The following HDAC4 variants were observed in gnomAD, a reference collection of about 807,000 sequenced individuals.
The protein encoded by HDAC4 is histone deacetylase A.
A neutral mutation model predicts 135.1 loss-of-function variants in HDAC4; 16 were observed. The ratio of observed to expected loss-of-function variants is 0.12; its 90% CI spans 0.08 to 0.18. The LOEUF (loss-of-function observed/expected upper bound fraction) is 0.18. Among genes scored for constraint, HDAC4 ranks in the 10% least tolerant of loss-of-function variants. The probability of loss-of-function intolerance (pLI) is 1.00; values close to 1 mark genes in which losing one functional copy is unlikely to be tolerated. For missense variants in HDAC4, 1,143 were observed against 1,511.8 expected (o/e 0.76, Z 4.05); for synonymous variants, 685 against 653.4 (o/e 1.05, Z -0.74).
chr2:239,328,209 G>T (rs568171978), intron 2 of HDAC4, among the ~76,000 whole-genome samples: 2 of 152,340 alleles, frequency 1.3e-5, no homozygotes, highest in East Asian at 3.9e-4. Flanking sequence ...CCTGGCGCTG[G>T]CCCAAGTGTG....
chr2:239,317,493 G>C (rs1392402924), intron 2 of HDAC4, among the ~76,000 whole-genome samples: 2 of 152,090 alleles, frequency 1.3e-5, no homozygotes, highest in African/African-American at 2.4e-5. Flanking sequence ...ATCCAAGAGA[G>C]TAAAGAAGGG....
intron 2 of HDAC4, among the ~76,000 whole-genome samples, chr2:239,269,976 A>T (rs1477613208): frequency 7.3e-6 from 1 of 137,294 alleles, no homozygotes; most frequent in East Asian, 2.6e-4. Flanking sequence ...GACCTGACTT[A>T]TCTCCCCGCC....
chr2:239,074,078 C>A (rs1011814323), intron 22 of HDAC4, among the ~76,000 whole-genome samples: 9 of 149,468 alleles, frequency 6.0e-5, no homozygotes, highest in Admixed American at 6.6e-5. Flanking sequence ...ACTGAGGGGG[C>A]CACAGGACTG....
chr2:239,220,462 G>A (rs547783562), intron 3 of HDAC4, among the ~76,000 whole-genome samples: 4 of 152,304 alleles, frequency 2.6e-5, no homozygotes, highest in African/African-American at 9.6e-5. Flanking sequence ...AAAGATGAAA[G>A]AAATCTGACA....
At chr2:239,249,394 T>C (rs1320798203) in intron 2 of HDAC4, among the ~76,000 whole-genome samples, 2 of 152,146 alleles carry the variant, frequency 1.3e-5, no homozygotes, top group African/African-American at 4.8e-5. Context: ...GACTCTGCGA[T>C]GGACTTGGCG....
At position 239,141,418 on chromosome 2, in the gene HDAC4, CTT is replaced by C. The variant is rs1190241907; in HGVS notation, c.866-1624_866-1623del. The stretch of plus-strand genomic sequence containing the variant: ...CTGGGTCCCGACCCTACCCCATCCT[CTT>C]TCTTTCCCTGGCCCTCTCACCCTCT... On this transcript the variant is annotated intron_variant, in intron 8 of 26. Coordinates refer to ENST00000543185, the MANE Select transcript of HDAC4 (RefSeq NM_001378414.1). The surrounding 1 kb of genome is among the most constrained non-coding windows in gnomAD (Gnocchi z 4.9). 1.3e-5 allele frequency among the ~76,000 whole-genome samples: 2 copies of C among 152,206 alleles called. No individual in the cohort carries two copies. The highest frequency in any genetic ancestry group is 4.8e-5 in the African/African-American group (2 of 41,460).
intron 2 of HDAC4, among the ~76,000 whole-genome samples, chr2:239,274,803 C>A (rs1402651071): frequency 6.6e-6 from 1 of 152,200 alleles, no homozygotes; most frequent in Admixed American, 6.5e-5. Context: ...AGGTGGATGG[C>A]CCTTCCCTAG....
At chr2:239,192,199 C>T (rs2045023793) in intron 3 of HDAC4, among the ~76,000 whole-genome samples, 1 of 108,842 alleles carries the variant, frequency 9.2e-6, no homozygotes, top group Non-Finnish European at 1.7e-5. Context: ...GAGGACTGTT[C>T]CATGTGCAGG....
chr2:239,080,288 A>C, intron 22 of HDAC4, among the ~76,000 whole-genome samples: 1 of 152,242 alleles, frequency 6.6e-6, no homozygotes, highest in Non-Finnish European at 1.5e-5. Flanking sequence ...AAAAGCGCTG[A>C]AGACTGTATG....
intron 3 of HDAC4, among the ~76,000 whole-genome samples, chr2:239,192,650 C>CT (rs1235562722): frequency 2.0e-5 from 3 of 152,168 alleles, no homozygotes; most frequent in Admixed American, 6.5e-5. Flanking sequence ...AACACACAGT[C>CT]TCGTGAATGA....
chr2:239,237,329 A>G (rs1181118277), intron 2 of HDAC4, among the ~76,000 whole-genome samples: 1 of 152,026 alleles, frequency 6.6e-6, no homozygotes, highest in Non-Finnish European at 1.5e-5. Flanking sequence ...ATTTTTCTAT[A>G]TTCTCCCAAG....
chr2:239,304,678 G>A (rs1214662369), intron 2 of HDAC4, among the ~76,000 whole-genome samples: 1 of 152,118 alleles, frequency 6.6e-6, no homozygotes, highest in East Asian at 1.9e-4. Flanking sequence ...TCGGCTCCTG[G>A]GGTCAGGAGC....
At chr2:239,325,935 C>T (rs1210365140) in intron 2 of HDAC4, among the ~76,000 whole-genome samples, 2 of 151,874 alleles carry the variant, frequency 1.3e-5, no homozygotes, top group Non-Finnish European at 2.9e-5. Flanking sequence ...CACTGTACTC[C>T]AGGCTGGGCA....
rs184258157 is a variant in HDAC4, at chr2:239,227,678, G to A, written c.94+8915C>T. On this transcript the variant is annotated intron_variant, in intron 3 of 26. Coordinates refer to ENST00000543185, the MANE Select transcript of HDAC4 (RefSeq NM_001378414.1). ...GAGGCAGCCCTGGAGTTCCAGGACA[G>A]GAGGGCATGCCTCGGGTGCGGAGGA... Among the ~76,000 whole-genome samples, 20 of 152,320 alleles carry A rather than the reference G, an allele frequency of 1.3e-4. No individual in the cohort carries two copies. In the East Asian group the frequency reaches 3.9e-3, roughly 29 times the overall value.
intron 2 of HDAC4, among the ~76,000 whole-genome samples, chr2:239,326,115 G>A (rs188773411): frequency 3.3e-5 from 5 of 152,054 alleles, no homozygotes; most frequent in Admixed American, 2.6e-4. Context: ...AAGTTAAGAC[G>A]GCCCAAAGGT....
At chr2:239,207,307 G>A (rs2046103917) in intron 3 of HDAC4, among the ~76,000 whole-genome samples, 1 of 152,002 alleles carries the variant, frequency 6.6e-6, no homozygotes, top group Non-Finnish European at 1.5e-5. Context: ...CGAACTGAAA[G>A]ACGAGATATA....
intron 1 of HDAC4, among the ~76,000 whole-genome samples, chr2:239,363,554 A>G (rs1297492278): frequency 6.6e-6 from 1 of 152,256 alleles, no homozygotes; most frequent in Non-Finnish European, 1.5e-5. Context: ...AATGAACCAC[A>G]GCCCATACAG....
intron 1 of HDAC4, among the ~76,000 whole-genome samples, chr2:239,398,590 T>C (rs1355242012): frequency 6.6e-6 from 1 of 152,262 alleles, no homozygotes; most frequent in African/African-American, 2.4e-5. Flanking sequence ...CCAGATGGGC[T>C]GCCTGAGCCG....
rs1160914638 is a variant in HDAC4, at chr2:239,146,789, C to A, written c.734-2075G>T. The stretch of plus-strand genomic sequence containing the variant: ...GCTGCCCTGACCCCCCACAGCCCCA[C>A]TGCCCCCATCACAGCCCCACTGCCC... On this transcript the variant is annotated intron_variant, in intron 7 of 26. Transcript: ENST00000543185. The surrounding 1 kb of genome is among the most constrained non-coding windows in gnomAD (Gnocchi z 4.5). Among the ~76,000 whole-genome samples the A allele has an allele frequency of 1.3e-5, 2 of 151,754 alleles. No homozygotes were observed. The highest frequency in any genetic ancestry group is 6.6e-5 in the Admixed American group (1 of 15,246).
Sources: gnomAD v4.1 joint callset for allele counts (sites outside exome capture counted in the v4.1 genomes callset) on GRCh38, gnomAD v4.1.1 for gene constraint, Gnocchi (gnomAD v3.1) non-coding constraint, MANE v1.5 for transcripts, NCBI Gene and HGNC (gene_info 2026-07-23, HGNC 2026-07-21) for gene names.